Variants in UNC13C observed in about 807,000 individuals in gnomAD.
UNC13C encodes unc-13 homolog C, also known as protein unc-13 homolog C.
In UNC13C, 174 loss-of-function variants were observed where a neutral mutation model predicts 245.4. That is an observed-to-expected ratio of 0.71 (90% CI 0.63 to 0.80). The LOEUF (loss-of-function observed/expected upper bound fraction) is 0.80, where lower values mean the gene tolerates loss of function less well. UNC13C is among the 30% of genes least tolerant of loss of function. UNC13C has a pLI of 0.00. For synonymous variants in UNC13C, 992 were observed against 895.1 expected, an observed-to-expected ratio of 1.11 and a Z score of -1.93; for missense variants, 2,829 against 2,602.9, an observed-to-expected ratio of 1.09 and a Z score of -1.89.
At chr15:54,332,132 C>T in intron 15 of UNC13C, 21 bp downstream of exon 15, 3 of 1,487,770 alleles carry the variant, frequency 2.0e-6, no homozygotes, top group African/African-American at 1.4e-5. Flanking sequence ...ATTTACTTGC[C>T]TAAAAGAAAA....
At chr15:54,319,293 GAAA>G (rs755621890) in intron 13 of UNC13C, among the ~76,000 whole-genome samples, 1 of 109,956 alleles carries the variant, frequency 9.1e-6, no homozygotes. Context: ...GTGAATTGTT[GAAA>G]AAAAAAAAAA....
At chr15:53,940,414 G>T in the UNC13C span, among the ~76,000 whole-genome samples, 1 of 152,074 alleles carries the variant, frequency 6.6e-6, no homozygotes, top group Non-Finnish European at 1.5e-5. Context: ...GACAAGATAA[G>T]GATGCCCTCT....
intron 2 of UNC13C, among the ~76,000 whole-genome samples, chr15:54,099,967 G>A (rs934182751): frequency 1.3e-5 from 2 of 151,796 alleles, no homozygotes; most frequent in African/African-American, 4.8e-5. Context: ...AGGTGTGGTG[G>A]TGGGCACCTA....
At chr15:54,455,171 C>CTCTCTT (rs1891411620) in intron 19 of UNC13C, among the ~76,000 whole-genome samples, 1 of 25,572 alleles carries the variant, frequency 3.9e-5, no homozygotes, top group Non-Finnish European at 7.6e-5. Context: ...ATTCCTCTCT[C>CTCTCTT]TCTCTCTCTC....
Position 54,099,587 on chromosome 15 carries a change from G to A in UNC13C, c.2984-43431G>A, listed in dbSNP as rs550786430. ...TTTTTCAAACTGTAAAAGGAAACTG[G>A]AAGCATTCAGAGGAGAAGCCCATCA... On this transcript the variant is annotated intron_variant, in intron 2 of 32. Coordinates refer to ENST00000260323, the MANE Select transcript of UNC13C (RefSeq NM_001080534.3). Among the ~76,000 whole-genome samples, 6 of 152,110 alleles carry A rather than the reference G, an allele frequency of 3.9e-5. No individual in the cohort carries two copies. In the South Asian group the frequency reaches 1.2e-3, roughly 32 times the overall value.
At chr15:54,462,386 C>G (rs1247085781) in intron 19 of UNC13C, among the ~76,000 whole-genome samples, 1 of 152,218 alleles carries the variant, frequency 6.6e-6, no homozygotes, top group Admixed American at 6.5e-5. Context: ...CACAGCTGCA[C>G]TGTGGGAGCC....
At chr15:54,223,799 C>G (rs1346511849) in intron 4 of UNC13C, among the ~76,000 whole-genome samples, 1 of 151,796 alleles carries the variant, frequency 6.6e-6, no homozygotes, top group Non-Finnish European at 1.5e-5. Context: ...TTTTGGTGTT[C>G]TCTTCAATTT....
chr15:54,034,643 A>G (rs1896497677), intron 2 of UNC13C, among the ~76,000 whole-genome samples: 1 of 152,236 alleles, frequency 6.6e-6, no homozygotes, highest in Non-Finnish European at 1.5e-5. Flanking sequence ...TTTGCATGGT[A>G]CATTGCTGTA....
At chr15:54,583,703 G>A (rs1309214454) in intron 30 of UNC13C, among the ~76,000 whole-genome samples, 2 of 152,320 alleles carry the variant, frequency 1.3e-5, no homozygotes, top group East Asian at 3.9e-4. Flanking sequence ...GACCTAAGTT[G>A]TCTGAAGCCC....
intron 4 of UNC13C, among the ~76,000 whole-genome samples, chr15:54,207,958 G>A (rs2140740155): frequency 6.6e-6 from 1 of 152,124 alleles, no homozygotes; most frequent in South Asian, 2.1e-4. Flanking sequence ...GCTATTTTTA[G>A]TATAAAAGAA....
At chr15:54,361,479 C>T (rs777612349) in intron 17 of UNC13C, among the ~76,000 whole-genome samples, 2 of 152,180 alleles carry the variant, frequency 1.3e-5, no homozygotes, top group Non-Finnish European at 2.9e-5. Flanking sequence ...TTCTGACAGA[C>T]ATTTCATAGA....
chr15:54,462,799 G>A (rs535236181), intron 19 of UNC13C, among the ~76,000 whole-genome samples: 17 of 152,300 alleles, frequency 1.1e-4, no homozygotes, highest in Non-Finnish European at 2.2e-4. Context: ...GCTCCACAGC[G>A]TCTGGTCCCA....
At chr15:54,190,997 T>C (rs2034163330) in intron 4 of UNC13C, among the ~76,000 whole-genome samples, 2 of 150,608 alleles carry the variant, frequency 1.3e-5, no homozygotes, top group Non-Finnish European at 2.9e-5. Context: ...ATAAAATTAG[T>C]TTAGTCCATA....
chr15:54,632,511 G>C (rs1351785650), downstream of UNC13C: 2 of 152,010 alleles, frequency 1.3e-5, no homozygotes, highest in Non-Finnish European at 2.9e-5. Flanking sequence ...GTTAATAGAG[G>C]GTGTAAAGTT....
intron 2 of UNC13C, among the ~76,000 whole-genome samples, chr15:54,074,236 TATATC>T (rs147910839): frequency 0.2 from 29,786 of 151,974 alleles, 2,981 homozygotes; most frequent in Admixed American, 0.29. Context: ...CATTGGTCTA[TATATC>T]TGTTTTGGTA....
chr15:54,430,876 T>C (rs150487352), intron 19 of UNC13C, among the ~76,000 whole-genome samples: 2 of 151,754 alleles, frequency 1.3e-5, no homozygotes, highest in African/African-American at 4.8e-5. Context: ...GAGGGAACAG[T>C]TGGTGAGTGG....
At chr15:54,031,955 C>G (rs1394437985) in intron 2 of UNC13C, among the ~76,000 whole-genome samples, 1 of 152,138 alleles carries the variant, frequency 6.6e-6, no homozygotes, top group African/African-American at 2.4e-5. Context: ...AGGGCTTGAT[C>G]TTTATGGTCT....
chr15:54,311,834 T>C (rs778040020), intron 13 of UNC13C, among the ~76,000 whole-genome samples: 2 of 151,868 alleles, frequency 1.3e-5, no homozygotes, highest in Non-Finnish European at 2.9e-5. Context: ...TTATAGGTTA[T>C]ACAATTTTGC....
chr15:53,921,933 C>T, the UNC13C span, among the ~76,000 whole-genome samples: 7 of 152,166 alleles, frequency 4.6e-5, no homozygotes, highest in South Asian at 2.1e-4. Flanking sequence ...TTTCTAACTG[C>T]GACTTGTGAG....
Sources: gnomAD v4.1 joint callset for allele counts (sites outside exome capture counted in the v4.1 genomes callset) on GRCh38, gnomAD v4.1.1 for gene constraint, MANE v1.5 for transcripts, NCBI Gene and HGNC (gene_info 2026-07-23, HGNC 2026-07-21) for gene names.